The following SOBP variants were observed in gnomAD, a reference collection of about 807,000 sequenced individuals.
SOBP encodes sine oculis-binding protein homolog.
A neutral mutation model predicts 53.6 loss-of-function variants in SOBP; 4 were observed. The ratio of observed to expected loss-of-function variants is 0.07; its 90% CI spans 0.04 to 0.17. SOBP has a LOEUF of 0.17. Among genes scored for constraint, SOBP ranks in the 10% least tolerant of loss-of-function variants. The probability of loss-of-function intolerance (pLI) is 1.00; values close to 1 mark genes in which losing one functional copy is unlikely to be tolerated. For missense variants in SOBP, 1,088 were observed against 1,204.7 expected (o/e 0.90, Z 1.43); for synonymous variants, 584 against 522.6 (o/e 1.12, Z -1.60).
chr6:107,607,455 C>G (rs762279406), intron 5 of SOBP, among the ~76,000 whole-genome samples: 20 of 152,178 alleles, frequency 1.3e-4, no homozygotes, highest in Non-Finnish European at 2.6e-4. Flanking sequence ...TGATGTCAAA[C>G]GCTGGCATTG....
intron 5 of SOBP, among the ~76,000 whole-genome samples, chr6:107,624,805 C>T (rs965881368): frequency 2.0e-5 from 3 of 152,146 alleles, no homozygotes; most frequent in Non-Finnish European, 4.4e-5. Flanking sequence ...CCCAAGCTTG[C>T]TGTGGGAGAT....
intron 4 of SOBP, among the ~76,000 whole-genome samples, chr6:107,572,715 G>A (rs936857363): frequency 5.9e-5 from 9 of 152,186 alleles, no homozygotes; most frequent in Non-Finnish European, 8.8e-5. Flanking sequence ...TACTCAGTGT[G>A]TGGATTACAA....
chr6:107,535,870 C>T (rs181607193), intron 4 of SOBP, among the ~76,000 whole-genome samples: 2 of 152,166 alleles, frequency 1.3e-5, no homozygotes, highest in African/African-American at 4.8e-5. Flanking sequence ...CTAAGAACTG[C>T]TTGTAATAAG....
At chr6:107,514,224 T>C (rs1305142583) in intron 3 of SOBP, 2 of 152,234 alleles carry the variant, frequency 1.3e-5, no homozygotes, top group African/African-American at 2.4e-5. Context: ...CAAAACATCA[T>C]TCTAGTTTTA....
At chr6:107,616,695 G>A (rs771039214) in intron 5 of SOBP, among the ~76,000 whole-genome samples, 4 of 152,212 alleles carry the variant, frequency 2.6e-5, no homozygotes, top group Non-Finnish European at 2.9e-5. Flanking sequence ...GTTCTATGGC[G>A]CTCTCTGCGA....
At chr6:107,551,596 T>G (rs1158563291) in intron 4 of SOBP, among the ~76,000 whole-genome samples, 1 of 152,080 alleles carries the variant, frequency 6.6e-6, no homozygotes, top group Admixed American at 6.5e-5. Flanking sequence ...ATGTGAAAAA[T>G]ATCTGGGTTT....
At chr6:107,595,135 T>C (rs1233816233) in intron 5 of SOBP, among the ~76,000 whole-genome samples, 2 of 152,178 alleles carry the variant, frequency 1.3e-5, no homozygotes, top group Non-Finnish European at 2.9e-5. Context: ...CTATGGGGAA[T>C]GTTAGGAAGG....
chr6:107,582,174 G>A (rs932776740), intron 4 of SOBP, among the ~76,000 whole-genome samples: 1 of 152,200 alleles, frequency 6.6e-6, no homozygotes, highest in Non-Finnish European at 1.5e-5. Context: ...GGGTAGGCAA[G>A]TGGAGCTATT....
In SOBP at chr6:107,660,330, G is replaced by A. The variant is rs1335000175; in HGVS notation, c.*2127G>A. 6.6e-6 allele frequency among the ~76,000 whole-genome samples: 1 copy of A among 152,116 alleles called. No homozygotes were observed. The highest frequency in any genetic ancestry group is 2.4e-5 in the African/African-American group (1 of 41,412). On this transcript the variant is annotated 3_prime_UTR_variant, in exon 7 of 7. Transcript: ENST00000317357. ...GTCTCTTCCTGACCTGCTAGACCAC[G>A]CTTGTCTGCAGACAAGAGCCCACTC...
chr6:107,493,531 C>G (rs1439872774), intron 1 of SOBP, among the ~76,000 whole-genome samples: 6 of 152,142 alleles, frequency 3.9e-5, no homozygotes, highest in African/African-American at 7.2e-5. Flanking sequence ...GGAATTTTAT[C>G]GTGGTGTACA....
chr6:107,655,275 C>A (rs1042025309), intron 6 of SOBP, among the ~76,000 whole-genome samples: 3 of 152,144 alleles, frequency 2.0e-5, no homozygotes, highest in Non-Finnish European at 4.4e-5. Context: ...CAATAAATAT[C>A]AGAAAAGTGA....
chr6:107,500,758 C>T (rs566494721), intron 1 of SOBP, among the ~76,000 whole-genome samples: 130 of 152,248 alleles, frequency 8.5e-4, no homozygotes, highest in African/African-American at 2.8e-3. Context: ...ATCTCCTGAC[C>T]TTGTGATCTG....
chr6:107,553,292 TTATTATTTTA>T (rs952516484), intron 4 of SOBP, among the ~76,000 whole-genome samples: 1 of 142,514 alleles, frequency 7.0e-6, no homozygotes, highest in African/African-American at 2.7e-5. Context: ...CACGGGCTTA[TTATTATTTTA>T]TTTATTTATT....
rs529487420 is a variant in SOBP at position 107,547,403 on chromosome 6, A to C, written c.573+13793A>C. On this transcript the variant is annotated intron_variant, in intron 4 of 6. Transcript: ENST00000317357. ...AAAAGCAGACAAAAGTACGTCAAAC[A>C]ATATGCTGATAATCAAGCTATGTCC... 3.3e-5 allele frequency among the ~76,000 whole-genome samples: 5 copies of C among 152,358 alleles called. No individual in the cohort carries two copies. In the East Asian group the frequency reaches 9.6e-4, roughly 29 times the overall value.
intron 4 of SOBP, among the ~76,000 whole-genome samples, chr6:107,585,736 T>A (rs1248823356): frequency 6.6e-6 from 1 of 152,200 alleles, no homozygotes; most frequent in Non-Finnish European, 1.5e-5. Context: ...CACTTCCAAG[T>A]TCCATCTAGT....
rs1332194840 is a variant in SOBP at position 107,591,183 on chromosome 6, C to T, written c.669+4008C>T. Among the ~76,000 whole-genome samples the T allele has an allele frequency of 7.9e-5, 12 of 152,256 alleles. 1 individual carries two copies. The South Asian group carries it at 1.0e-3, about 13-fold the overall frequency. ...CACACTTTTGGATCCCTGTTTCACCCCCTTGGACCTCTCTGAGCTTCAGAT... is the reference window on the plus strand; with the variant it reads ...CACACTTTTGGATCCCTGTTTCACCTCCTTGGACCTCTCTGAGCTTCAGAT... On this transcript the variant is annotated intron_variant, in intron 5 of 6. Coordinates refer to ENST00000317357, the MANE Select transcript of SOBP (RefSeq NM_018013.4).
intron 1 of SOBP, among the ~76,000 whole-genome samples, chr6:107,497,183 C>T (rs1562571481): frequency 6.6e-6 from 1 of 152,178 alleles, no homozygotes; most frequent in Non-Finnish European, 1.5e-5. Context: ...CAGAAATAAC[C>T]ATCAGTCTAC....
chr6:107,604,345 G>T (rs971278308), intron 5 of SOBP, among the ~76,000 whole-genome samples: 19 of 152,202 alleles, frequency 1.2e-4, no homozygotes, highest in Non-Finnish European at 7.3e-5. Flanking sequence ...ATGCTTGTTA[G>T]TGGATACAGC....
Position 107,634,563 on chromosome 6 carries a change from G to T in SOBP, c.1719G>T (p.Ala573=). The T allele has an allele frequency of 6.2e-7, 1 of 1,606,708 alleles. No homozygotes were observed. Residue 573 remains alanine, a synonymous_variant, in exon 6 of 7, where the codon GCG becomes GCT. Coordinates refer to ENST00000317357, the MANE Select transcript of SOBP (RefSeq NM_018013.4). The surrounding 1 kb of genome is among the most constrained non-coding windows in gnomAD (Gnocchi z 4.5). ...IPNAPGDSAA[A]GGKPSGHSLS... ...ACGCCCCTGGCGACTCCGCGGCGGC[G>T]GGCGGCAAGCCAAGCGGACACTCCC...
Sources: allele counts gnomAD v4.1 joint callset (sites outside exome capture counted in the v4.1 genomes callset), GRCh38; gene constraint gnomAD v4.1.1; non-coding constraint Gnocchi (gnomAD v3.1); transcripts MANE v1.5; gene names NCBI Gene and HGNC (gene_info 2026-07-23, HGNC 2026-07-21).